The following PFKM variants were observed in gnomAD, a reference collection of about 807,000 sequenced individuals.
PFKM encodes the protein ATP-dependent 6-phosphofructokinase, muscle type.
A neutral mutation model predicts 95.5 loss-of-function variants in PFKM; 58 were observed. The observed-to-expected ratio is 0.61, with a 90% CI of 0.49 to 0.76. The LOEUF (loss-of-function observed/expected upper bound fraction) is 0.76, where lower values mean the gene tolerates loss of function less well. Ranked by LOEUF, PFKM falls within the 30% of genes least tolerant of loss-of-function variation. PFKM has a pLI of 0.00. For missense variants in PFKM, 678 were observed against 1,005.4 expected (o/e 0.67, Z 4.40); for synonymous variants, 336 against 357.2 (o/e 0.94, Z 0.67).
Position 48,140,752 on chromosome 12 carries a change from G to C in PFKM, c.1222G>C (p.Val408Leu), listed in dbSNP as rs774320286. ...SGSHTVAVMN[V>L]GAPAAGMNAA... ...TTCGCACACAGTGGCTGTGATGAAC[G>C]TGGGGGCTCCGGCTGCAGGCATGAA... The change falls in exon 14 of 23, where the codon GTG becomes CTG. Residue 408 changes from valine to leucine, a missense_variant. Coordinates refer to ENST00000359794, the MANE Select transcript of PFKM (RefSeq NM_000289.6). 3 of 1,614,184 alleles carry C rather than the reference G, an allele frequency of 1.9e-6. No homozygotes were observed. The highest frequency in any genetic ancestry group is 1.3e-5 in the African/African-American group (1 of 75,036).
chr12:48,142,340 G>GT, intron 17 of PFKM: 2 of 465,676 alleles, frequency 4.3e-6, no homozygotes, highest in South Asian at 4.1e-5. Flanking sequence ...GGGTGTGGTG[G>GT]TAGGCGCCTG....
Position 48,105,939 on chromosome 12 carries a change from G to A in PFKM, c.-208G>A, listed in dbSNP as rs887564422. On this transcript the variant is annotated 5_prime_UTR_variant, in exon 1 of 25. Transcript: ENST00000340802. ...GTGCTCCCCGCTTCCGCCCAGTCCA[G>A]CCCGGGCCGGCTGACCGGGTCCGAC... The A allele has an allele frequency of 8.7e-6, 6 of 689,108 alleles. No individual in the cohort carries two copies. The African/African-American group carries it at 1.1e-4, about 12-fold the overall frequency. 42.7% of individuals were successfully genotyped at this position (689,108 alleles called of 1,614,324 possible).
At chr12:48,140,695 C>T (rs751777165) in intron 13 of PFKM, 27 bp from the exon 14 acceptor site, 3 of 1,613,928 alleles carry the variant, frequency 1.9e-6, no homozygotes, top group Middle Eastern at 1.6e-4. Context: ...TTTCTGTCCT[C>T]ATTTTTCCCT....
At chr12:48,126,646 T>G (rs904661431) in intron 2 of PFKM, among the ~76,000 whole-genome samples, 15 of 152,314 alleles carry the variant, frequency 9.8e-5, no homozygotes, top group African/African-American at 3.6e-4. Flanking sequence ...AAGTTAGAGT[T>G]TTTACAGGAC....
rs1947269824 is a variant in PFKM at position 48,112,391 on chromosome 12, C to G, written c.205+4197C>G. Among the ~76,000 whole-genome samples, 4 of 149,650 alleles carry G rather than the reference C, an allele frequency of 2.7e-5. No homozygotes were observed. The South Asian group carries it at 8.5e-4, about 32-fold the overall frequency. ...TAGGAGATTTGCCAGACACGATCAG[C>G]AGAACACGTGTGTTTTCATGAAGAA... On this transcript the variant is annotated intron_variant, in intron 3 of 24. Transcript: ENST00000340802.
intron 11 of PFKM, among the ~76,000 whole-genome samples, chr12:48,138,538 G>A (rs1313492640): frequency 6.6e-6 from 1 of 152,128 alleles, no homozygotes; most frequent in East Asian, 1.9e-4. Flanking sequence ...GCCTTGCTTG[G>A]AAATGTATCT....
chr12:48,125,906 T>C (rs1382494263), intron 2 of PFKM, among the ~76,000 whole-genome samples: 1 of 152,246 alleles, frequency 6.6e-6, no homozygotes, highest in Non-Finnish European at 1.5e-5. Context: ...TTTTTAAAAA[T>C]CTTATGAAAG....
intron 3 of PFKM, among the ~76,000 whole-genome samples, chr12:48,111,036 T>C (rs925612464): frequency 1.3e-5 from 2 of 152,112 alleles, no homozygotes; most frequent in East Asian, 3.9e-4. Flanking sequence ...AGCTCAGGGG[T>C]AGCAGGCACC....
rs2136009337 is a variant in PFKM at position 48,141,976 on chromosome 12, A to G, written c.1563A>G (p.Pro521=). The change falls in exon 17 of 23, where the codon CCA becomes CCG. Residue 521 remains proline, a synonymous_variant. Coordinates refer to ENST00000359794, the MANE Select transcript of PFKM (RefSeq NM_000289.6). ...AGCAGTTTGATGAGCTCTGCATCCC[A>G]TTTGTGGTCATTCCTGCTACAGTCT... ...GRKQFDELCI[P]FVVIPATVSN... 6.2e-7 allele frequency: 1 copy of G among 1,613,998 alleles called. No individual in the cohort carries two copies. Among genetic ancestry groups the G allele is most frequent in the Non-Finnish European group, 8.5e-7 (1 of 1,179,958 alleles).
intron 20 of PFKM, 41 bp downstream of exon 20, chr12:48,144,198 A>G: frequency 2.2e-6 from 3 of 1,334,782 alleles, no homozygotes; most frequent in Non-Finnish European, 3.2e-6. Context: ...TCAGACAGCC[A>G]TACCTGCCAA....
chr12:48,141,325 C>T lies in PFKM; in HGVS notation c.1356C>T (p.Gly452=). 1 of 1,614,146 alleles carries T rather than the reference C, an allele frequency of 6.2e-7. No individual in the cohort carries two copies. ...GLAKGQIEEA[G]WSYVGGWTGQ... is the part of the protein sequence containing the mutation. ...TATCCCCACAGATAGAGGAAGCTGG[C>T]TGGAGCTATGTTGGGGGCTGGACTG... Residue 452 remains glycine (G), a synonymous_variant, in exon 15 of 23, where the codon GGC becomes GGT. Coordinates refer to ENST00000359794, the MANE Select transcript of PFKM (RefSeq NM_000289.6).
chr12:48,109,556 T>G (rs1001763779), intron 3 of PFKM, among the ~76,000 whole-genome samples: 1 of 152,150 alleles, frequency 6.6e-6, no homozygotes, highest in Non-Finnish European at 1.5e-5. Context: ...TCATTCTCCT[T>G]TTGCTCTGGT....
chr12:48,119,974 C>T (rs1167314166), intron 1 of PFKM: 1 of 152,156 alleles, frequency 6.6e-6, no homozygotes, highest in African/African-American at 2.4e-5. Context: ...TTTTCTCCCT[C>T]ACTGACGCTT....
intron 11 of PFKM, 113 bp downstream of exon 11, chr12:48,137,959 G>C: frequency 8.7e-7 from 1 of 1,153,410 alleles, no homozygotes; most frequent in Non-Finnish European, 1.3e-6. Context: ...GGAAAGGCAA[G>C]ATGGTATAGT....
In PFKM at chr12:48,137,722, G is replaced by A; in HGVS notation, c.938G>A (p.Gly313Asp). 6.2e-7 allele frequency: 1 copy of A among 1,614,158 alleles called. No homozygotes were observed. The highest frequency in any genetic ancestry group is 8.5e-7 in the Non-Finnish European group (1 of 1,180,006). Reference protein sequence around the residue: ...GTPSAFDRILGSRMGVEAVMA... With the variant: ...GTPSAFDRILDSRMGVEAVMA... ...TCTTTGTTCTCTGGGCTCCTGCAGG[G>A]CAGCAGGATGGGTGTGGAAGCAGTG... The change falls in exon 11 of 23, where the codon GGC (glycine) becomes GAC (aspartate). Residue 313 changes from glycine to aspartate, a missense_variant and splice_region_variant. Transcript: ENST00000359794.
At chr12:48,144,184 TTCA>T in intron 20 of PFKM, 27 bp downstream of exon 20, 1 of 1,450,186 alleles carries the variant, frequency 6.9e-7, no homozygotes, top group Non-Finnish European at 9.7e-7. Context: ...AGTCATGCCC[TTCA>T]TCAGACAGCC....
In PFKM at chr12:48,144,199, T is replaced by C. The variant is rs766869188; in HGVS notation, c.1992+42T>C. 19 of 1,328,600 alleles carry C rather than the reference T, an allele frequency of 1.4e-5. No homozygotes were observed. In the South Asian group the frequency reaches 2.2e-4, roughly 16 times the overall value. The allele number at this position is 1,328,600 out of a possible 1,614,324, so 82.3% of individuals were successfully genotyped here. A position where few individuals can be genotyped will look rare whatever the true frequency, so the allele number is the denominator to read the frequency against. On this transcript the variant is annotated intron_variant, in intron 20 of 22. Coordinates refer to ENST00000359794, the MANE Select transcript of PFKM (RefSeq NM_000289.6). ...AGTCATGCCCTTCATCAGACAGCCA[T>C]ACCTGCCAACAGCCATACCTGCCAA...
chr12:48,126,173 C>A (rs1480400146), intron 2 of PFKM, among the ~76,000 whole-genome samples: 2 of 152,156 alleles, frequency 1.3e-5, no homozygotes, highest in Non-Finnish European at 2.9e-5. Context: ...ATAAGTCAGA[C>A]AACTGCCATG....
chr12:48,136,727 A>C (rs1273536382), intron 10 of PFKM, among the ~76,000 whole-genome samples: 1 of 64,560 alleles, frequency 1.5e-5, no homozygotes, highest in African/African-American at 6.5e-5. Flanking sequence ...TACTATTCTG[A>C]TAGGTATATA....
Sources: allele counts gnomAD v4.1 joint callset (sites outside exome capture counted in the v4.1 genomes callset), GRCh38; gene constraint gnomAD v4.1.1; transcripts MANE v1.5; gene names NCBI Gene and HGNC (gene_info 2026-07-23, HGNC 2026-07-21).